The following GNAQ variants were observed in gnomAD, a reference collection of about 807,000 sequenced individuals.
GNAQ encodes G protein subunit alpha q, also known as guanine nucleotide-binding protein G(q) subunit alpha.
GNAQ carries 8 observed loss-of-function variants against 43.9 expected under a neutral mutation model. The ratio of observed to expected loss-of-function variants is 0.18; its 90% CI spans 0.11 to 0.33. The LOEUF (loss-of-function observed/expected upper bound fraction) is 0.33, where lower values mean the gene tolerates loss of function less well. GNAQ is among the 10% of genes least tolerant of loss of function. The pLI is 1.00. For synonymous variants in GNAQ, 155 were observed against 170.7 expected, an observed-to-expected ratio of 0.91 and a Z score of 0.71; for missense variants, 158 against 450.8, an observed-to-expected ratio of 0.35 and a Z score of 5.88.
At chr9:77,869,764 T>G (rs1536732) in intron 2 of GNAQ, among the ~76,000 whole-genome samples, 14,347 of 152,206 alleles carry the variant, frequency 0.094, 1,407 homozygotes, top group East Asian at 0.21. Context: ...TTGCCCTGCC[T>G]ATAGTCAAAC....
At chr9:77,721,882 A>G (rs1421558368) in intron 6 of GNAQ, among the ~76,000 whole-genome samples, 1 of 152,200 alleles carries the variant, frequency 6.6e-6, no homozygotes, top group Non-Finnish European at 1.5e-5. Context: ...TTTCAGCTAT[A>G]TAATAAGTGT....
chr9:77,827,383 TAAAA>T (rs5898562), intron 2 of GNAQ, among the ~76,000 whole-genome samples: 2 of 129,186 alleles, frequency 1.5e-5, no homozygotes, highest in Non-Finnish European at 1.6e-5. Context: ...TTTAAATAAC[TAAAA>T]AAAAAAAAAA....
intron 2 of GNAQ, among the ~76,000 whole-genome samples, chr9:77,866,895 C>T (rs1827959690): frequency 6.6e-6 from 1 of 152,134 alleles, no homozygotes; most frequent in Non-Finnish European, 1.5e-5. Flanking sequence ...AGTTAATGTA[C>T]TGTCTTTAAA....
rs1829291444 is a variant in GNAQ, at chr9:77,939,973, A to G, written c.137-17628T>C. 3.9e-5 allele frequency among the ~76,000 whole-genome samples: 6 copies of G among 152,324 alleles called. No homozygotes were observed. The South Asian group carries it at 1.0e-3, about 26-fold the overall frequency. ...GACACTTAATGATTAGGGTGATCAT[A>G]TAATTTATCATCCTAAAACAATAAT... On this transcript the variant is annotated intron_variant, in intron 1 of 6. Coordinates refer to ENST00000286548, the MANE Select transcript of GNAQ (RefSeq NM_002072.5).
chr9:77,917,463 A>T (rs1037997138), intron 2 of GNAQ, among the ~76,000 whole-genome samples: 2 of 152,102 alleles, frequency 1.3e-5, no homozygotes, highest in African/African-American at 4.8e-5. Context: ...CCCCCATGAC[A>T]CGAGTTTACC....
chr9:77,809,358 C>T (rs145934309), intron 3 of GNAQ, among the ~76,000 whole-genome samples: 260 of 152,304 alleles, frequency 1.7e-3, no homozygotes, highest in African/African-American at 6.1e-3. Flanking sequence ...TCTCACTATA[C>T]GCCAATGTGA....
Position 77,721,128 on chromosome 9 carries a change from C to A in GNAQ, c.*195G>T, listed in dbSNP as rs1825303957. 1.2e-5 allele frequency: 6 copies of A among 482,676 alleles called. No homozygotes were observed. The highest frequency in any genetic ancestry group is 2.2e-5 in the Non-Finnish European group (6 of 275,420). 29.9% of individuals were successfully genotyped at this position (482,676 alleles called of 1,614,324 possible). A position where few individuals can be genotyped will look rare whatever the true frequency, so the allele number is the denominator to read the frequency against. On this transcript the variant is annotated 3_prime_UTR_variant, in exon 7 of 7. Coordinates refer to ENST00000286548, the MANE Select transcript of GNAQ (RefSeq NM_002072.5). Reference sequence around the variant, plus strand: ...GAAATGTGCTGGGACTGTACTTCAGCATCCTCTGTTTTTCCTCTGAATAGT... The same window carrying A: ...GAAATGTGCTGGGACTGTACTTCAGAATCCTCTGTTTTTCCTCTGAATAGT...
chr9:77,729,044 T>C (rs1825444104), intron 5 of GNAQ, among the ~76,000 whole-genome samples: 1 of 152,234 alleles, frequency 6.6e-6, no homozygotes, highest in South Asian at 2.1e-4. Flanking sequence ...GGACTAGATA[T>C]GGCTTCATTT....
chr9:77,918,303 G>A (rs1828944897), intron 2 of GNAQ, among the ~76,000 whole-genome samples: 1 of 152,130 alleles, frequency 6.6e-6, no homozygotes, highest in African/African-American at 2.4e-5. Context: ...CCAATGTGAT[G>A]GTGGGTGCAG....
At chr9:77,816,886 G>A (rs1179486954) in intron 2 of GNAQ, among the ~76,000 whole-genome samples, 5 of 152,142 alleles carry the variant, frequency 3.3e-5, no homozygotes, top group Non-Finnish European at 5.9e-5. Flanking sequence ...TGTGTGAGAA[G>A]GGCCCCATGC....
intron 1 of GNAQ, among the ~76,000 whole-genome samples, chr9:77,926,159 T>C (rs1330126645): frequency 1.3e-5 from 2 of 152,214 alleles, no homozygotes; most frequent in Admixed American, 6.5e-5. Flanking sequence ...TACAGTTCTA[T>C]GACAGAGACA....
intron 1 of GNAQ, among the ~76,000 whole-genome samples, chr9:77,993,994 T>C (rs1253309999): frequency 6.6e-6 from 1 of 152,072 alleles, no homozygotes; most frequent in East Asian, 1.9e-4. Context: ...AACCCAAATA[T>C]ATTGAGGGGC....
At chr9:77,988,277 T>C (rs1008045434) in intron 1 of GNAQ, among the ~76,000 whole-genome samples, 1 of 152,226 alleles carries the variant, frequency 6.6e-6, no homozygotes, top group Non-Finnish European at 1.5e-5. Flanking sequence ...ACAGTTGCTT[T>C]ATGCTTTAGC....
chr9:77,911,558 G>A (rs1828804065), intron 2 of GNAQ, among the ~76,000 whole-genome samples: 1 of 152,034 alleles, frequency 6.6e-6, no homozygotes, highest in Non-Finnish European at 1.5e-5. Flanking sequence ...CTCTCATATT[G>A]AGCCACACGA....
chr9:77,926,034 A>G (rs553728043), intron 1 of GNAQ, among the ~76,000 whole-genome samples: 76 of 152,332 alleles, frequency 5.0e-4, no homozygotes, highest in African/African-American at 1.8e-3. Context: ...CTTTTAAAAA[A>G]TATTTTCTAT....
intron 5 of GNAQ, among the ~76,000 whole-genome samples, chr9:77,792,789 A>G (rs1826595915): frequency 6.6e-6 from 1 of 152,160 alleles, no homozygotes; most frequent in South Asian, 2.1e-4. Context: ...TTTGCTTCTT[A>G]CATCTCTTGT....
intron 1 of GNAQ, 72 bp downstream of exon 1, chr9:78,031,028 C>T: frequency 4.4e-6 from 5 of 1,147,886 alleles, no homozygotes; most frequent in Non-Finnish European, 5.6e-6. Flanking sequence ...GCGCCGAAGG[C>T]AGCTGCCCCG....
chr9:78,011,931 A>C (rs1823776776), intron 1 of GNAQ, among the ~76,000 whole-genome samples: 1 of 152,246 alleles, frequency 6.6e-6, no homozygotes, highest in Non-Finnish European at 1.5e-5. Flanking sequence ...AAATGAAAGA[A>C]TATTATAGAG....
At chr9:78,006,913 T>TTG (rs1049517580) in intron 1 of GNAQ, among the ~76,000 whole-genome samples, 1 of 152,144 alleles carries the variant, frequency 6.6e-6, no homozygotes. Context: ...AGGTTTAGCA[T>TTG]TGTGTGTGAT....
Sources: gnomAD v4.1 joint callset for allele counts (sites outside exome capture counted in the v4.1 genomes callset) on GRCh38, gnomAD v4.1.1 for gene constraint, MANE v1.5 for transcripts, NCBI Gene and HGNC (gene_info 2026-07-23, HGNC 2026-07-21) for gene names.